GDF1: variants seen among roughly 807,000 people sequenced by gnomAD.
The protein encoded by GDF1 is embryonic growth/differentiation factor 1.
A neutral mutation model predicts 7.4 loss-of-function variants in GDF1; 8 were observed. That is an observed-to-expected ratio of 1.09 (90% CI 0.64 to 1.96). The LOEUF is 1.96. Among genes scored for constraint, GDF1 ranks in the 30% most tolerant of loss-of-function variants. The probability of loss-of-function intolerance (pLI) is 0.00; values close to 1 mark genes in which losing one functional copy is unlikely to be tolerated. For missense variants in GDF1, 574 were observed against 551.5 expected (o/e 1.04, Z -0.41); for synonymous variants, 311 against 276.7 (o/e 1.12, Z -1.23).
rs1265746271 is a variant in GDF1, at chr19:18,870,983, A to C, written c.-312-364T>G. 6.6e-6 allele frequency among the ~76,000 whole-genome samples: 1 copy of C among 151,892 alleles called. No homozygotes were observed. Among genetic ancestry groups the C allele is most frequent in the African/African-American group, 2.4e-5 (1 of 41,290 alleles). ...CACCGCCTCCACAGTGGGACCCTGCACATCCTCCTCTCCTCTGCCACCCAC... is the reference window on the plus strand; with the variant it reads ...CACCGCCTCCACAGTGGGACCCTGCCCATCCTCCTCTCCTCTGCCACCCAC... On this transcript the variant is annotated intron_variant, in intron 6 of 7. Transcript: ENST00000247005. The surrounding 1 kb of genome is among the most constrained non-coding windows in gnomAD (Gnocchi z 5.1).
chr19:18,888,960 C>T (rs1030092583), intron 2 of GDF1, among the ~76,000 whole-genome samples: 20 of 144,390 alleles, frequency 1.4e-4, no homozygotes, highest in African/African-American at 4.9e-4. Context: ...AGCATGATCT[C>T]GACTCACTGC....
In GDF1 at chr19:18,868,809, G is replaced by C; in HGVS notation, c.907C>G (p.Pro303Ala). 1 of 1,456,062 alleles carries C rather than the reference G, an allele frequency of 6.9e-7. No homozygotes were observed. Among genetic ancestry groups the C allele is most frequent in the Non-Finnish European group, 9.1e-7 (1 of 1,094,064 alleles). 90.2% of individuals were successfully genotyped at this position (1,456,062 alleles called of 1,614,324 possible). A position where few individuals can be genotyped will look rare whatever the true frequency, so the allele number is the denominator to read the frequency against. The change falls in exon 8 of 8, where the codon CCC (proline) becomes GCC (alanine). Residue 303 changes from proline (P) to alanine (A), a missense_variant. Pro to Ala is a conservative substitution (Grantham distance 27). Transcript: ENST00000247005. Reference protein sequence around the residue: ...ANYCQGQCALPVALSGSGGPP... With the variant: ...ANYCQGQCALAVALSGSGGPP... ...CCCCCGGACCCCGACAGCGCGACGGGCAGCGCGCACTGACCCTGGCAGTAG... is the reference window on the plus strand; with the variant it reads ...CCCCCGGACCCCGACAGCGCGACGGCCAGCGCGCACTGACCCTGGCAGTAG...
In GDF1 at chr19:18,870,354, C is replaced by G. The variant is rs2055946100; in HGVS notation, c.-47G>C. ...GAGAGTGCGCAGGGTCCGCGGCGGC[C>G]CGGGACCAGTGGGCTGAGGGCGGGG... On this transcript the variant is annotated 5_prime_UTR_variant, in exon 7 of 8. Coordinates refer to ENST00000247005, the MANE Select transcript of GDF1 (RefSeq NM_001492.6). The surrounding 1 kb of genome is among the most constrained non-coding windows in gnomAD (Gnocchi z 5.1). The G allele has an allele frequency of 6.5e-7, 1 of 1,540,532 alleles. No individual in the cohort carries two copies. The highest frequency in any genetic ancestry group is 1.4e-5 in the African/African-American group (1 of 72,508).
At chr19:18,887,477 C>A (rs1046696146) in intron 2 of GDF1, among the ~76,000 whole-genome samples, 1 of 152,116 alleles carries the variant, frequency 6.6e-6, no homozygotes, top group Non-Finnish European at 1.5e-5. Flanking sequence ...ATGAACTGTT[C>A]GCTTTAAAAT....
chr19:18,872,465 A>G, intron 6 of GDF1, among the ~76,000 whole-genome samples: 1 of 151,162 alleles, frequency 6.6e-6, no homozygotes, highest in African/African-American at 2.4e-5. Context: ...CTCCTGCCTC[A>G]GCCTCCCCAG....
In GDF1 at chr19:18,884,224, G is replaced by A; in HGVS notation, c.-870C>T. On this transcript the variant is annotated 5_prime_UTR_variant, in exon 3 of 8. Coordinates refer to ENST00000247005, the MANE Select transcript of GDF1 (RefSeq NM_001492.6). ...CATAGAAGCTTCCCTGGAGCAGGTA[G>A]GCGGCTGCAATGTCCCGTGGCACTG... 1 of 1,613,520 alleles carries A rather than the reference G, an allele frequency of 6.2e-7. No homozygotes were observed. Among genetic ancestry groups the A allele is most frequent in the South Asian group, 1.1e-5 (1 of 91,044 alleles).
chr19:18,872,200 T>G (rs141568328), intron 6 of GDF1, among the ~76,000 whole-genome samples: 8 of 152,220 alleles, frequency 5.3e-5, no homozygotes. Flanking sequence ...TTATCAGAGC[T>G]TTCCTGCTGA....
rs755528875 is a variant in GDF1 at position 18,893,518 on chromosome 19, C to A, written c.-1016G>T. 6.2e-7 allele frequency: 1 copy of A among 1,610,546 alleles called. No homozygotes were observed. The highest frequency in any genetic ancestry group is 1.1e-5 in the South Asian group (1 of 90,270). ...CCCAGGTAGAAGAGAAACTTCCAAG[C>A]GCTCTCGGGCATCTTGGCGGCATCT... On this transcript the variant is annotated 5_prime_UTR_variant, in exon 2 of 8. Transcript: ENST00000247005.
At chr19:18,869,437 T>A in intron 7 of GDF1, 47 bp from the exon 8 acceptor site, 1 of 1,513,228 alleles carries the variant, frequency 6.6e-7, no homozygotes. Flanking sequence ...GTCCCCGGCC[T>A]GCCCATGGGG....
At chr19:18,890,467 TGTGA>T (rs779763325) in intron 2 of GDF1, among the ~76,000 whole-genome samples, 31 of 152,130 alleles carry the variant, frequency 2.0e-4, no homozygotes, top group Admixed American at 3.3e-4. Context: ...TCAGCTAACT[TGTGA>T]GTGTCATTTA....
chr19:18,895,369 G>A lies in GDF1; in HGVS notation c.-1074+455C>T, dbSNP rs1159399107. Among the ~76,000 whole-genome samples the A allele has an allele frequency of 1.3e-5, 2 of 152,236 alleles. No individual in the cohort carries two copies. The highest frequency in any genetic ancestry group is 2.9e-5 in the Non-Finnish European group (2 of 68,040). ...GGAGGCGCATGGCGCAGGCCGCGGT[G>A]CGCCGAGCCCTCCCGTTCCCGGTCC... On this transcript the variant is annotated intron_variant, in intron 1 of 7. Coordinates refer to ENST00000247005, the MANE Select transcript of GDF1 (RefSeq NM_001492.6). The surrounding 1 kb of genome is among the most constrained non-coding windows in gnomAD (Gnocchi z 6.4).
chr19:18,874,823 G>A (rs946531176), intron 6 of GDF1, among the ~76,000 whole-genome samples: 1 of 152,178 alleles, frequency 6.6e-6, no homozygotes, highest in African/African-American at 2.4e-5. Context: ...GCAGCAATGG[G>A]GTGAGATGGG....
chr19:18,881,522 A>G (rs1428864044), intron 3 of GDF1, among the ~76,000 whole-genome samples: 1 of 151,388 alleles, frequency 6.6e-6, no homozygotes, highest in Non-Finnish European at 1.5e-5. Flanking sequence ...GCCCGGCCCC[A>G]TTAGGATCTT....
chr19:18,889,908 T>G (rs1479754309), intron 2 of GDF1, among the ~76,000 whole-genome samples: 2 of 152,188 alleles, frequency 1.3e-5, no homozygotes, highest in Non-Finnish European at 2.9e-5. Context: ...CAGCAAATAC[T>G]ATCAGCTCTG....
rs1446022397 is a variant in GDF1 at position 18,870,488 on chromosome 19, TTGGAGGGGG to T, written c.-190_-182del. On this transcript the variant is annotated 5_prime_UTR_variant, in exon 7 of 8. Transcript: ENST00000247005. This position sits in a 1 kb window ranked among gnomAD's most constrained non-coding sequence, Gnocchi z 5.1. ...TGGCGGCGGCCCTAGAGGAGCAGAG[TTGGAGGGGG>T]TGGAGGGGCGGCCAAGGACGGGGAG... 5.0e-5 allele frequency: 15 copies of T among 299,210 alleles called. No individual in the cohort carries two copies. Among genetic ancestry groups the T allele is most frequent in the Admixed American group, 6.5e-5 (1 of 15,296 alleles). 18.5% of individuals were successfully genotyped at this position (299,210 alleles called of 1,614,324 possible).
At chr19:18,873,597 G>C (rs1315097119) in intron 6 of GDF1, among the ~76,000 whole-genome samples, 1 of 151,936 alleles carries the variant, frequency 6.6e-6, no homozygotes, top group African/African-American at 2.4e-5. Flanking sequence ...TAGCACTTTG[G>C]GAGGCCAAGA....
rs1490205295 is a variant in GDF1 at position 18,878,216 on chromosome 19, CCT to C, written c.-313+712_-313+713del. ...CTGCCCCGGCTCCTGCTCAAACACT[CCT>C]CACGTTGCCTATGAGACACTGCACA... On this transcript the variant is annotated intron_variant, in intron 6 of 7. Coordinates refer to ENST00000247005, the MANE Select transcript of GDF1 (RefSeq NM_001492.6). The surrounding 1 kb of genome is among the most constrained non-coding windows in gnomAD (Gnocchi z 4.6). 1.0e-6 allele frequency: 1 copy of C among 985,540 alleles called. No homozygotes were observed. Among genetic ancestry groups the C allele is most frequent in the Non-Finnish European group, 1.2e-6 (1 of 830,162 alleles). 61.0% of individuals were successfully genotyped at this position (985,540 alleles called of 1,614,324 possible).
intron 6 of GDF1, among the ~76,000 whole-genome samples, chr19:18,875,887 G>A (rs761845496): frequency 6.6e-6 from 1 of 152,226 alleles, no homozygotes; most frequent in African/African-American, 2.4e-5. Context: ...CAAGAGGCAA[G>A]GAGGGGATCC....
rs773271648 is a variant in GDF1 at position 18,868,729 on chromosome 19, C to T, written c.987G>A (p.Pro329=). 5.8e-5 allele frequency: 89 copies of T among 1,535,448 alleles called. No individual in the cohort carries two copies. The highest frequency in any genetic ancestry group is 1.8e-4 in the Middle Eastern group (1 of 5,682). Residue 329 remains proline, a synonymous_variant, in exon 8 of 8, where the codon CCG becomes CCA. Transcript: ENST00000247005. ...VLRALMHAAA[P]GAADLPCCVP... is the part of the protein sequence containing the mutation. ...CGCAGCAGGGCAGGTCGGCGGCTCC[C>T]GGGGCGGCCGCGTGCATGAGCGCGC...
Sources: allele counts gnomAD v4.1 joint callset (sites outside exome capture counted in the v4.1 genomes callset), GRCh38; gene constraint gnomAD v4.1.1; non-coding constraint Gnocchi (gnomAD v3.1); transcripts MANE v1.5; gene names NCBI Gene and HGNC (gene_info 2026-07-23, HGNC 2026-07-21).